Variants in ANKLE2 observed in about 807,000 individuals in gnomAD.
The protein encoded by ANKLE2 is ankyrin repeat and LEM domain containing 2.
Under a neutral mutation model 84.2 loss-of-function variants are expected in ANKLE2, and 55 were observed. The ratio of observed to expected loss-of-function variants is 0.65; its 90% CI spans 0.53 to 0.82. The LOEUF (loss-of-function observed/expected upper bound fraction) is 0.82, where lower values mean the gene tolerates loss of function less well. Ranked by LOEUF, ANKLE2 falls within the 40% of genes least tolerant of loss-of-function variation. The pLI is 0.00. For missense variants in ANKLE2, 1,238 were observed against 1,201.9 expected (o/e 1.03, Z -0.44); for synonymous variants, 551 against 486.1 (o/e 1.13, Z -1.76).
intron 2 of ANKLE2, 75 bp from the exon 3 acceptor site, chr12:132,750,924 T>G: frequency 2.2e-6 from 3 of 1,335,876 alleles, no homozygotes; most frequent in Non-Finnish European, 3.2e-6. Flanking sequence ...GCCCTGGGCC[T>G]AACCATCAGC....
rs2044339523 is a variant in ANKLE2, at chr12:132,750,837, A to G, written c.653T>C (p.Val218Ala). 6.2e-7 allele frequency: 1 copy of G among 1,613,994 alleles called. No individual in the cohort carries two copies. Among genetic ancestry groups the G allele is most frequent in the Non-Finnish European group, 8.5e-7 (1 of 1,179,938 alleles). Residue 218 changes from valine to alanine, a missense_variant, in exon 3 of 13, where the codon GTT becomes GCT. Physicochemically the swap from Val to Ala is moderately conservative, Grantham distance 64. Around this residue, in one of 3 missense-constraint regions of ANKLE2, gnomAD observed 422 missense variants for 394.5 expected, o/e 1.07. Transcript: ENST00000357997. ...CAATGCTTCCTTTTTATTTTCATAA[A>G]CATAGATCCTTTCTGGGTAAGAAAA... The part of the protein sequence containing the change: ...DVPARNERIY[V>A]YENKKEALQA...
rs545591868 is a variant in ANKLE2, at chr12:132,743,655, T to G, written c.1231-379A>C. Among the ~76,000 whole-genome samples the G allele has an allele frequency of 1.9e-5, 2 of 104,154 alleles. No individual in the cohort carries two copies. Among genetic ancestry groups the G allele is most frequent in the East Asian group, 4.8e-4 (2 of 4,164 alleles). The allele number at this position is 104,154 out of a possible 152,430, so 68.3% of individuals were successfully genotyped here. ...TGAGTCACCGAGCCTGGCTTATACT[T>G]TTTTAAAAAAAAAAAGACTCACAAA... On this transcript the variant is annotated intron_variant, in intron 5 of 12. Transcript: ENST00000357997. The surrounding 1 kb of genome is among the most constrained non-coding windows in gnomAD (Gnocchi z 4.1).
At chr12:132,740,168 G>A (rs7295549) in intron 7 of ANKLE2, among the ~76,000 whole-genome samples, 2,638 of 152,320 alleles carry the variant, frequency 0.017, 42 homozygotes, top group East Asian at 0.032. Flanking sequence ...TGAAGGTTCC[G>A]GCTGGGCCTC....
chr12:132,754,966 G>GC lies in ANKLE2; in HGVS notation c.348dup (p.Leu117AlafsTer8). 6.2e-7 allele frequency: 1 copy of GC among 1,614,210 alleles called. No homozygotes were observed. Among genetic ancestry groups the GC allele is most frequent in the Non-Finnish European group, 8.5e-7 (1 of 1,180,042 alleles). On this transcript the variant is annotated frameshift_variant, in exon 2 of 13. Coordinates refer to ENST00000357997, the MANE Select transcript of ANKLE2 (RefSeq NM_015114.3). LOFTEE classifies it high-confidence loss of function. ...GCCTCATGGTGGTAGAAAGAAGACA[G>GC]CCTTCCTCCTTGCTCCAGTAAAGCC... is the stretch of plus-strand genomic sequence containing the variant.
chr12:132,732,568 C>T (rs1396488597), intron 10 of ANKLE2, among the ~76,000 whole-genome samples: 2 of 140,598 alleles, frequency 1.4e-5, no homozygotes, highest in Admixed American at 1.4e-4. Flanking sequence ...CCGTGTGAAG[C>T]ACTGCGCGTC....
intron 1 of ANKLE2, chr12:132,758,019 C>A (rs969622352): frequency 1.3e-5 from 2 of 150,534 alleles, no homozygotes. Flanking sequence ...CACAGATATA[C>A]ATAAACAAAA....
rs931527898 is a variant in ANKLE2 at position 132,726,691 on chromosome 12, G to C, written c.*551C>G. Reference sequence around the variant, plus strand: ...GTCTGAGGCGCGCTCCTGGCTCCCTGATCCCTGCCGTCCACCTCCCTCTGT... The same window carrying C: ...GTCTGAGGCGCGCTCCTGGCTCCCTCATCCCTGCCGTCCACCTCCCTCTGT... On this transcript the variant is annotated 3_prime_UTR_variant, in exon 13 of 13. Transcript: ENST00000357997. 6.6e-6 allele frequency: 1 copy of C among 152,480 alleles called. No individual in the cohort carries two copies. The highest frequency in any genetic ancestry group is 2.4e-5 in the African/African-American group (1 of 41,458). The allele number at this position is 152,480 out of a possible 1,614,324, so 9.4% of individuals were successfully genotyped here.
rs776798954 is a variant in ANKLE2 at position 132,734,506 on chromosome 12, C to T, written c.1770G>A (p.Leu590=). ...GTCTTTGCAGGCCTTCCTGGGAAGA[C>T]AGATCAACAAAACAGCCCAGAAATT... The part of the protein sequence containing the change: ...YWEFLGCFVD[L]SSQEGLQRLE... The change falls in exon 10 of 13, where the codon CTG becomes CTA. Residue 590 remains leucine (L), a synonymous_variant. Coordinates refer to ENST00000357997, the MANE Select transcript of ANKLE2 (RefSeq NM_015114.3). The T allele has an allele frequency of 6.2e-7, 1 of 1,614,094 alleles. No homozygotes were observed. The highest frequency in any genetic ancestry group is 8.5e-7 in the Non-Finnish European group (1 of 1,180,014).
chr12:132,734,549 G>C lies in ANKLE2; in HGVS notation c.1727C>G (p.Pro576Arg), dbSNP rs1361719987. 6.2e-7 allele frequency: 1 copy of C among 1,612,714 alleles called. No homozygotes were observed. Among genetic ancestry groups the C allele is most frequent in the East Asian group, 2.2e-5 (1 of 44,820 alleles). The change falls in exon 10 of 13, where the codon CCC becomes CGC. Residue 576 changes from proline (P) to arginine (R), a missense_variant. By Grantham distance (103) the Pro-to-Arg change is moderately radical. Around this residue, in one of 3 missense-constraint regions of ANKLE2, gnomAD observed 802 missense variants for 774.5 expected, o/e 1.04. Transcript: ENST00000357997. ...CAGAAATTCCCAGTATTCAACCCAG[G>C]GATACCCCAGCTCATGAGCTAGCTC... is the stretch of plus-strand genomic sequence containing the variant. ...GRELAHELGY[P>R]WVEYWEFLGC...
intron 12 of ANKLE2, 50 bp downstream of exon 12, chr12:132,727,982 A>G (rs1375082898): frequency 1.3e-6 from 2 of 1,566,294 alleles, no homozygotes. Context: ...ACCCTGCAGA[A>G]GTTTCCAAAA....
At chr12:132,744,215 G>A (rs961059072) in intron 5 of ANKLE2, among the ~76,000 whole-genome samples, 3 of 152,128 alleles carry the variant, frequency 2.0e-5, no homozygotes, top group African/African-American at 4.8e-5. Flanking sequence ...CAGTGCCCCT[G>A]AGCCCAAGAC....
chr12:132,751,703 T>G (rs1341032739), intron 2 of ANKLE2, among the ~76,000 whole-genome samples: 1 of 149,332 alleles, frequency 6.7e-6, no homozygotes, highest in Non-Finnish European at 1.5e-5. Flanking sequence ...CCACCATGCC[T>G]GGCTAATTGT....
At position 132,729,801 on chromosome 12, in the gene ANKLE2, G is replaced by A. The variant is rs2043799968; in HGVS notation, c.2361C>T (p.His787=). The change falls in exon 11 of 13, where the codon CAC becomes CAT. Residue 787 remains histidine, a synonymous_variant. Transcript: ENST00000357997. ...CTGACATTTCACTTTCTGTCCTCCT[G>A]TGGCCATTCCCGAGTTGGTCTGCGG... ...PSPADQLGNG[H]RRTESEMSAR... The A allele has an allele frequency of 3.7e-6, 6 of 1,613,254 alleles. No homozygotes were observed. Among genetic ancestry groups the A allele is most frequent in the Non-Finnish European group, 4.2e-6 (5 of 1,179,798 alleles).
chr12:132,748,534 C>T (rs1207685322), intron 3 of ANKLE2, among the ~76,000 whole-genome samples: 1 of 152,086 alleles, frequency 6.6e-6, no homozygotes, highest in Non-Finnish European at 1.5e-5. Flanking sequence ...TGCCCGTCAG[C>T]AGAGCAAGTG....
rs1204675250 is a variant in ANKLE2 at position 132,761,584 on chromosome 12, G to A, written c.181+34C>T. The A allele has an allele frequency of 3.1e-5, 38 of 1,211,696 alleles. 1 individual carries two copies. The East Asian group carries it at 7.3e-4, about 23-fold the overall frequency. The allele number at this position is 1,211,696 out of a possible 1,614,324, so 75.1% of individuals were successfully genotyped here. On this transcript the variant is annotated intron_variant, in intron 1 of 12. Transcript: ENST00000357997. ...GGGCGTCGGGGCGGGGAAGGGGCCA[G>A]GGTGCGGGGACCCAGCGACCGCCTG...
rs1361719987 is a variant in ANKLE2, at chr12:132,734,549, G to T, written c.1727C>A (p.Pro576His). ...GRELAHELGY[P>H]WVEYWEFLGC... is the part of the protein sequence containing the mutation. ...CAGAAATTCCCAGTATTCAACCCAG[G>T]GATACCCCAGCTCATGAGCTAGCTC... is the stretch of plus-strand genomic sequence containing the variant. Residue 576 changes from proline (P) to histidine (H), a missense_variant, in exon 10 of 13, where the codon CCC becomes CAC. By Grantham distance (77) the Pro-to-His change is moderately conservative. Coordinates refer to ENST00000357997, the MANE Select transcript of ANKLE2 (RefSeq NM_015114.3). 8 of 1,612,596 alleles carry T rather than the reference G, an allele frequency of 5.0e-6. No individual in the cohort carries two copies. The highest frequency in any genetic ancestry group is 4.2e-6 in the Non-Finnish European group (5 of 1,179,462).
At chr12:132,750,124 G>C (rs1385959766) in intron 3 of ANKLE2, among the ~76,000 whole-genome samples, 1 of 145,608 alleles carries the variant, frequency 6.9e-6, no homozygotes, top group Non-Finnish European at 1.5e-5. Context: ...AGAATCGCTT[G>C]AACCCGGGAG....
At chr12:132,728,548 C>T (rs2043757673) in intron 11 of ANKLE2, among the ~76,000 whole-genome samples, 1 of 152,174 alleles carries the variant, frequency 6.6e-6, no homozygotes, top group Admixed American at 6.5e-5. Context: ...ACATTTTAAA[C>T]TCAAGAACCC....
chr12:132,725,653 G>C lies in ANKLE2; in HGVS notation c.*1589C>G, dbSNP rs143321702. 9.6e-4 allele frequency: 146 copies of C among 152,242 alleles called. No homozygotes were observed. Among genetic ancestry groups the C allele is most frequent in the African/African-American group, 3.4e-3 (142 of 41,532 alleles). The allele number at this position is 152,242 out of a possible 1,614,324, so 9.4% of individuals were successfully genotyped here. ...TAAGACCTGGGAAATCAGGAGCAGT[G>C]GTCCACATACAAAATCAGGGCCAAA... On this transcript the variant is annotated 3_prime_UTR_variant, in exon 13 of 13. Transcript: ENST00000357997.
Sources: allele counts gnomAD v4.1 joint callset (sites outside exome capture counted in the v4.1 genomes callset), GRCh38; gene constraint gnomAD v4.1.1; regional missense constraint gnomAD v4.1.1; non-coding constraint Gnocchi (gnomAD v3.1); transcripts MANE v1.5; gene names NCBI Gene and HGNC (gene_info 2026-07-23, HGNC 2026-07-21).